The following CACNA1E variants were observed in gnomAD, a reference collection of about 807,000 sequenced individuals.
The protein encoded by CACNA1E is voltage-dependent R-type calcium channel subunit alpha-1E.
CACNA1E carries 40 observed loss-of-function variants against 259.2 expected under a neutral mutation model. The ratio of observed to expected loss-of-function variants is 0.15; its 90% CI spans 0.12 to 0.20. The LOEUF is 0.20. CACNA1E is among the 10% of genes least tolerant of loss of function. CACNA1E has a pLI of 1.00. For synonymous variants in CACNA1E, 1,104 were observed against 1,138.5 expected (o/e 0.97, Z 0.61); for missense variants, 1,874 against 3,040.1 (o/e 0.62, Z 9.02).
At chr1:181,440,651 T>G (rs1030585562) in intron 2 of CACNA1E, among the ~76,000 whole-genome samples, 20 of 152,238 alleles carry the variant, frequency 1.3e-4, no homozygotes, top group African/African-American at 4.8e-4. Flanking sequence ...ATGCCCTGCC[T>G]GGGGCCACTG....
intron 2 of CACNA1E, among the ~76,000 whole-genome samples, chr1:181,459,528 C>T (rs1344122812): frequency 6.6e-6 from 1 of 152,208 alleles, no homozygotes; most frequent in African/African-American, 2.4e-5. Context: ...CCTCTTGTGC[C>T]TAACACTGGA....
chr1:181,400,567 C>T (rs1571771603), intron 1 of CACNA1E, among the ~76,000 whole-genome samples: 1 of 152,292 alleles, frequency 6.6e-6, no homozygotes, highest in East Asian at 1.9e-4. Context: ...ACCCTGTCTC[C>T]TCCTTGCCCA....
At chr1:181,786,474 G>GTTTCCATGT (rs1330357290) in intron 43 of CACNA1E, among the ~76,000 whole-genome samples, 1 of 152,076 alleles carries the variant, frequency 6.6e-6, no homozygotes, top group East Asian at 1.9e-4. Flanking sequence ...ACTATACCAT[G>GTTTCCATGT]TTTTCTTTAA....
At chr1:181,616,885 CTT>C (rs1437078009) in intron 6 of CACNA1E, among the ~76,000 whole-genome samples, 1 of 152,148 alleles carries the variant, frequency 6.6e-6, no homozygotes, top group African/African-American at 2.4e-5. Context: ...TTTTCTACTT[CTT>C]GTGTCAATTA....
intron 1 of CACNA1E, among the ~76,000 whole-genome samples, chr1:181,338,076 T>C (rs1456693518): frequency 1.3e-5 from 2 of 152,114 alleles, no homozygotes; most frequent in East Asian, 1.9e-4. Flanking sequence ...TTATACCCCA[T>C]TGTGGGCTTT....
At chr1:181,552,746 C>T (rs1384137734) in intron 3 of CACNA1E, among the ~76,000 whole-genome samples, 2 of 152,166 alleles carry the variant, frequency 1.3e-5, no homozygotes, top group Non-Finnish European at 2.9e-5. Flanking sequence ...CACCTATTGA[C>T]CCATCCTCTA....
At chr1:181,703,458 C>G (rs1652475245) in intron 7 of CACNA1E, among the ~76,000 whole-genome samples, 1 of 152,192 alleles carries the variant, frequency 6.6e-6, no homozygotes, top group African/African-American at 2.4e-5. Flanking sequence ...AATCATTATA[C>G]TTTAACATTC....
At chr1:181,572,847 T>C (rs1650554914) in intron 3 of CACNA1E, among the ~76,000 whole-genome samples, 4 of 152,186 alleles carry the variant, frequency 2.6e-5, no homozygotes, top group Non-Finnish European at 5.9e-5. Flanking sequence ...AGTCTGGTCC[T>C]GAGAGTGAGA....
intron 2 of CACNA1E, among the ~76,000 whole-genome samples, chr1:181,442,102 C>T (rs1346630674): frequency 6.6e-6 from 1 of 152,040 alleles, no homozygotes; most frequent in African/African-American, 2.4e-5. Flanking sequence ...CTCTGCTTCC[C>T]ATCTCACTTG....
chr1:181,683,897 A>G (rs1650244849), intron 7 of CACNA1E, among the ~76,000 whole-genome samples: 1 of 152,176 alleles, frequency 6.6e-6, no homozygotes, highest in Admixed American at 6.5e-5. Flanking sequence ...TGCAATGAAC[A>G]TATGTATGCC....
chr1:181,793,892 C>T (rs1015487380), intron 45 of CACNA1E, 99 bp downstream of exon 45: 3 of 1,275,660 alleles, frequency 2.4e-6, no homozygotes, highest in Admixed American at 5.1e-5. Context: ...GTTGACTTGC[C>T]CGCACCCCTT....
chr1:181,585,419 T>C (rs1301824066), intron 6 of CACNA1E, among the ~76,000 whole-genome samples: 1 of 152,264 alleles, frequency 6.6e-6, no homozygotes, highest in Non-Finnish European at 1.5e-5. Context: ...GTGGCTACTA[T>C]GTGCCAAATA....
chr1:181,422,109 A>G (rs771496618), intron 2 of CACNA1E, among the ~76,000 whole-genome samples: 13 of 152,148 alleles, frequency 8.5e-5, no homozygotes, highest in Non-Finnish European at 1.3e-4. Flanking sequence ...CATTCTTGCC[A>G]TTTGGACCTT....
rs867012772 is a variant in CACNA1E, at chr1:181,410,065, C to G, written c.-14-3068C>G. ...GGAAAGGAGGCTGCAGCCAGCAGGGCCTGAGAATTCTTGGAGTTGCTGGAG... is the reference window on the plus strand; with the variant it reads ...GGAAAGGAGGCTGCAGCCAGCAGGGGCTGAGAATTCTTGGAGTTGCTGGAG... On this transcript the variant is annotated intron_variant, in intron 1 of 11. Transcript: ENST00000524607. Among the ~76,000 whole-genome samples the G allele has an allele frequency of 4.6e-5, 7 of 151,984 alleles. No individual in the cohort carries two copies. The Middle Eastern group carries it at 0.014, about 295-fold the overall frequency.
intron 3 of CACNA1E, among the ~76,000 whole-genome samples, chr1:181,561,140 T>G: frequency 6.6e-6 from 1 of 152,152 alleles, no homozygotes; most frequent in African/African-American, 2.4e-5. Flanking sequence ...GATGAAAAAG[T>G]TCTGGAGATG....
In CACNA1E at chr1:181,793,714, T is replaced by C; in HGVS notation, c.5948T>C (p.Ile1983Thr). ...AGCGTGCAGCCCTCTAACCATGGCA[T>C]CTACCTTCCTTCGGACACCCAGGAG... ...LKSVQPSNHGIYLPSDTQEHA... is the reference protein window; with the variant it reads ...LKSVQPSNHGTYLPSDTQEHA... The change falls in exon 45 of 48, where the codon ATC becomes ACC. Residue 1983 changes from isoleucine to threonine, a missense_variant. Around this residue, in one of 14 missense-constraint regions of CACNA1E, gnomAD observed 542 missense variants for 587.2 expected, o/e 0.92. Coordinates refer to ENST00000367573, the MANE Select transcript of CACNA1E (RefSeq NM_001205293.3). 1 of 1,611,612 alleles carries C rather than the reference T, an allele frequency of 6.2e-7. No homozygotes were observed. Among genetic ancestry groups the C allele is most frequent in the South Asian group, 1.1e-5 (1 of 90,558 alleles).
intron 1 of CACNA1E, among the ~76,000 whole-genome samples, chr1:181,335,367 C>T (rs539604543): frequency 1.2e-4 from 19 of 152,300 alleles, no homozygotes; most frequent in African/African-American, 4.1e-4. Flanking sequence ...AGTACTGAAA[C>T]GGGAGTCTTG....
intron 1 of CACNA1E, among the ~76,000 whole-genome samples, chr1:181,351,045 G>GAA (rs1653004831): frequency 6.6e-6 from 1 of 152,204 alleles, no homozygotes; most frequent in East Asian, 1.9e-4. Context: ...GGACTCTTTT[G>GAA]GAGACTGGGT....
rs549052145 is a variant in CACNA1E at position 181,599,372 on chromosome 1, G to A, written c.951+18596G>A. Among the ~76,000 whole-genome samples the A allele has an allele frequency of 4.9e-4, 74 of 152,224 alleles. No individual in the cohort carries two copies. The South Asian group carries it at 0.012, about 24-fold the overall frequency. On this transcript the variant is annotated intron_variant, in intron 6 of 47. Coordinates refer to ENST00000367573, the MANE Select transcript of CACNA1E (RefSeq NM_001205293.3). Reference sequence around the variant, plus strand: ...GCTTTATCCAGTCTATCATTGACGGGCATTTAGGTTGATTCCATGTCTTTG... The same window carrying A: ...GCTTTATCCAGTCTATCATTGACGGACATTTAGGTTGATTCCATGTCTTTG...
Sources: allele counts gnomAD v4.1 joint callset (sites outside exome capture counted in the v4.1 genomes callset), GRCh38; gene constraint gnomAD v4.1.1; regional missense constraint gnomAD v4.1.1; transcripts MANE v1.5; gene names NCBI Gene and HGNC (gene_info 2026-07-23, HGNC 2026-07-21).